Variants in MRAP2 observed in about 807,000 individuals in gnomAD.
The protein encoded by MRAP2 is melanocortin-2 receptor accessory protein 2.
A neutral mutation model predicts 17.4 loss-of-function variants in MRAP2; 20 were observed. The ratio of observed to expected loss-of-function variants is 1.15; its 90% CI spans 0.81 to 1.67. The LOEUF (loss-of-function observed/expected upper bound fraction) is 1.67, where lower values mean the gene tolerates loss of function less well. Ranked by LOEUF, MRAP2 falls within the 40% of genes most tolerant of loss-of-function variation. The pLI, the probability that MRAP2 is intolerant of heterozygous loss-of-function variation, is 0.00. For synonymous variants in MRAP2, 96 were observed against 88.4 expected (o/e 1.09, Z -0.48); for missense variants, 238 against 240.0 (o/e 0.99, Z 0.05).
chr6:84,135,424 TCAAA>T, the MRAP2 span, among the ~76,000 whole-genome samples: 1 of 151,080 alleles, frequency 6.6e-6, no homozygotes, highest in Non-Finnish European at 1.5e-5. Flanking sequence ...GTGCTGGAGT[TCAAA>T]CAATCTGTGC....
the MRAP2 span, among the ~76,000 whole-genome samples, chr6:84,134,203 T>A: frequency 6.6e-6 from 1 of 152,048 alleles, no homozygotes; most frequent in Non-Finnish European, 1.5e-5. Context: ...TGGATGCCAC[T>A]CCCCCCACCA....
chr6:84,132,804 C>T, the MRAP2 span, among the ~76,000 whole-genome samples: 9 of 152,084 alleles, frequency 5.9e-5, no homozygotes, highest in South Asian at 4.2e-4. Context: ...TCCTTTACCT[C>T]GGAGAAGTTT....
intron 1 of MRAP2, among the ~76,000 whole-genome samples, chr6:84,050,155 G>C (rs906881095): frequency 6.6e-6 from 1 of 152,010 alleles, no homozygotes; most frequent in Non-Finnish European, 1.5e-5. Flanking sequence ...AAAAATCCAC[G>C]CCCCAGGAAA....
chr6:84,083,781 ATCTCTTTAATATATTT>A (rs2099499604), intron 3 of MRAP2, among the ~76,000 whole-genome samples: 1 of 152,214 alleles, frequency 6.6e-6, no homozygotes, highest in Non-Finnish European at 1.5e-5. Context: ...TATTAATCAG[ATCTCTTTAATATATTT>A]TAGTAGAAAA....
At chr6:84,064,043 T>TA (rs200016109) in intron 3 of MRAP2, among the ~76,000 whole-genome samples, 20 of 148,138 alleles carry the variant, frequency 1.4e-4, no homozygotes, top group African/African-American at 3.8e-4. Context: ...AGACTCTGTC[T>TA]AAAAAAAAGA....
At chr6:84,047,894 G>A (rs2099489451) in intron 1 of MRAP2, among the ~76,000 whole-genome samples, 1 of 152,142 alleles carries the variant, frequency 6.6e-6, no homozygotes, top group African/African-American at 2.4e-5. Context: ...TTTGTAACTG[G>A]CTTATTTCAT....
intron 3 of MRAP2, among the ~76,000 whole-genome samples, chr6:84,064,159 G>A (rs1177711778): frequency 6.6e-6 from 1 of 151,564 alleles, no homozygotes; most frequent in Non-Finnish European, 1.5e-5. Flanking sequence ...ACACTGAGGA[G>A]CAGCCATCCT....
chr6:84,123,253 C>CAAAAAA, the MRAP2 span, among the ~76,000 whole-genome samples: 1 of 119,442 alleles, frequency 8.4e-6, no homozygotes, highest in African/African-American at 2.9e-5. Context: ...CGCCCAACTC[C>CAAAAAA]AAAAAAAAAA....
the MRAP2 span, among the ~76,000 whole-genome samples, chr6:84,121,080 T>A: frequency 4.0e-5 from 6 of 149,780 alleles, no homozygotes; most frequent in Admixed American, 6.6e-5. Flanking sequence ...TTTTTTAATT[T>A]TTTTTTTTTT....
intron 2 of MRAP2, among the ~76,000 whole-genome samples, chr6:84,060,662 A>C (rs1233910405): frequency 6.6e-6 from 1 of 151,490 alleles, no homozygotes; most frequent in Non-Finnish European, 1.5e-5. Flanking sequence ...ACCTCAGTAC[A>C]TGTGGTGTTT....
At chr6:84,117,647 G>A in the MRAP2 span, among the ~76,000 whole-genome samples, 66 of 105,416 alleles carry the variant, frequency 6.3e-4, no homozygotes, top group Non-Finnish European at 9.9e-4. Context: ...TGTGGGGTGT[G>A]TGTCTGTGTG....
chr6:84,139,930 C>CA, the MRAP2 span, among the ~76,000 whole-genome samples: 1 of 152,220 alleles, frequency 6.6e-6, no homozygotes, highest in African/African-American at 2.4e-5. Context: ...GCCACCCTCT[C>CA]AGGCTGGTGT....
intron 3 of MRAP2, among the ~76,000 whole-genome samples, chr6:84,075,014 C>T (rs1171657649): frequency 6.6e-6 from 1 of 152,158 alleles, no homozygotes; most frequent in East Asian, 1.9e-4. Flanking sequence ...ATCCTCAAAT[C>T]TTGGTATGAC....
chr6:84,099,862 C>CTTTTTTTTTTTTTTTTTTTT, the MRAP2 span, among the ~76,000 whole-genome samples: 2 of 145,474 alleles, frequency 1.4e-5, no homozygotes. Flanking sequence ...TTCTCTCTCT[C>CTTTTTTTTTTTTTTTTTTTT]TTTTTTTTTT....
chr6:84,144,633 A>G, the MRAP2 span, among the ~76,000 whole-genome samples: 1 of 152,098 alleles, frequency 6.6e-6, no homozygotes, highest in Non-Finnish European at 1.5e-5. Context: ...TTGGCCAGGT[A>G]AGAATTTTTC....
At chr6:84,108,397 T>C in the MRAP2 span, among the ~76,000 whole-genome samples, 8 of 152,180 alleles carry the variant, frequency 5.3e-5, no homozygotes, top group African/African-American at 1.9e-4. Context: ...GGTATCTCAT[T>C]GTGGTTTTGA....
the MRAP2 span, among the ~76,000 whole-genome samples, chr6:84,145,518 T>A: frequency 1.3e-5 from 2 of 152,120 alleles, no homozygotes; most frequent in Non-Finnish European, 2.9e-5. Context: ...CTGTGCTTCA[T>A]TAGAAAACTG....
At chr6:84,134,955 CAT>C in the MRAP2 span, among the ~76,000 whole-genome samples, 90 of 127,920 alleles carry the variant, frequency 7.0e-4, no homozygotes, top group African/African-American at 2.2e-3. Flanking sequence ...CACACACACA[CAT>C]ATATAGTGTT....
At chr6:84,133,791 T>A in the MRAP2 span, among the ~76,000 whole-genome samples, 1 of 152,156 alleles carries the variant, frequency 6.6e-6, no homozygotes, top group African/African-American at 2.4e-5. Context: ...GGAAAGGGAA[T>A]TCCCAGACCC....
Sources: gnomAD v4.1 joint callset for allele counts (sites outside exome capture counted in the v4.1 genomes callset) on GRCh38, gnomAD v4.1.1 for gene constraint, MANE v1.5 for transcripts, NCBI Gene and HGNC (gene_info 2026-07-23, HGNC 2026-07-21) for gene names.